Variants in CD36 observed in about 807,000 individuals in gnomAD.
The protein encoded by CD36 is CD36 molecule (CD36 blood group), also known as platelet glycoprotein 4.
In CD36, 119 loss-of-function variants were observed where a neutral mutation model predicts 55.2. The ratio of observed to expected loss-of-function variants is 2.15; its 90% confidence interval spans 1.86 to 2.51. CD36 has a LOEUF of 2.51. Ranked by LOEUF, CD36 falls within the 30% of genes most tolerant of loss-of-function variation. The pLI, the probability that CD36 is intolerant of heterozygous loss-of-function variation, is 0.00. For synonymous variants in CD36, 186 were observed against 193.6 expected (o/e 0.96, Z 0.33); for missense variants, 819 against 555.5 (o/e 1.47, Z -4.77).
intron 1 of CD36, among the ~76,000 whole-genome samples, chr7:80,623,479 G>A (rs1379991669): frequency 7.2e-6 from 1 of 139,736 alleles, no homozygotes; most frequent in East Asian, 2.2e-4. Context: ...CATATTTTTG[G>A]TCTCATTTAG....
intron 1 of CD36, among the ~76,000 whole-genome samples, chr7:80,643,519 A>G (rs1794951505): frequency 6.6e-6 from 1 of 152,126 alleles, no homozygotes. Flanking sequence ...TGCATTTTTT[A>G]TGTGGGCTCA....
Position 80,671,979 on chromosome 7 carries a change from AACCTATT to A in CD36, c.1065_1071del (p.Pro356MetfsTer3), listed in dbSNP as rs754132982. 6.2e-7 allele frequency: 1 copy of A among 1,610,240 alleles called. No homozygotes were observed. Among genetic ancestry groups the A allele is most frequent in the African/African-American group, 1.3e-5 (1 of 74,928 alleles). On this transcript the variant is annotated frameshift_variant, in exon 11 of 15. Transcript: ENST00000447544. LOFTEE classifies it high-confidence loss of function. ...CTGTATGCAAGTCCTGATGTTTCAGAACCTATTGATGGATTAAACCCAAATGAAGAAG... is the reference window on the plus strand; with the variant it reads ...CTGTATGCAAGTCCTGATGTTTCAGAGATGGATTAAACCCAAATGAAGAAG...
intron 8 of CD36, among the ~76,000 whole-genome samples, chr7:80,667,905 C>A (rs947429239): frequency 6.6e-6 from 1 of 151,808 alleles, no homozygotes; most frequent in Non-Finnish European, 1.5e-5. Flanking sequence ...CATGTGCCAC[C>A]ACACCCAGCT....
chr7:80,667,015 A>G (rs953541859), intron 8 of CD36, among the ~76,000 whole-genome samples: 1 of 152,222 alleles, frequency 6.6e-6, no homozygotes, highest in African/African-American at 2.4e-5. Flanking sequence ...TGTGAAAAAT[A>G]TATGTAAAAA....
chr7:80,607,594 T>G (rs1792632048), intron 1 of CD36, among the ~76,000 whole-genome samples: 1 of 152,014 alleles, frequency 6.6e-6, no homozygotes, highest in Non-Finnish European at 1.5e-5. Context: ...CCATTCCCCA[T>G]CCCCCACTTT....
At chr7:80,634,715 A>G (rs976406384), upstream of CD36, among the ~76,000 whole-genome samples, 11 of 152,080 alleles carry the variant, frequency 7.2e-5, no homozygotes, top group Non-Finnish European at 1.5e-4. Flanking sequence ...CTTTTATTTC[A>G]CAAGTGTTAC....
At chr7:80,673,000 T>A (rs1797865832) in intron 12 of CD36, 157 bp downstream of exon 12, 2 of 644,222 alleles carry the variant, frequency 3.1e-6, no homozygotes, top group Non-Finnish European at 5.6e-6. Flanking sequence ...TGCTTATGAC[T>A]AATTTCACAG....
intron 1 of CD36, among the ~76,000 whole-genome samples, chr7:80,616,198 A>G (rs116418685): frequency 0.011 from 1,657 of 152,280 alleles, 31 homozygotes; most frequent in African/African-American, 0.038. Context: ...ACTGGATATC[A>G]TAGCTCAGCC....
chr7:80,669,945 T>G lies in CD36; in HGVS notation c.749-8T>G. ...CATCTAATCATTTGCCACTCGATTT[T>G]TAAACAGATGCAGCCTCATTTCCAC... On this transcript the variant is annotated splice_region_variant and splice_polypyrimidine_tract_variant and intron_variant, in intron 8 of 14. Coordinates refer to ENST00000447544, the MANE Select transcript of CD36 (RefSeq NM_001001548.3). The G allele has an allele frequency of 6.2e-7, 1 of 1,607,174 alleles. No individual in the cohort carries two copies.
At position 80,675,134 on chromosome 7, in the gene CD36, A is replaced by G. The variant is rs1333484314; in HGVS notation, c.*987A>G. On this transcript the variant is annotated intron_variant, in intron 14 of 14. Coordinates refer to ENST00000447544, the MANE Select transcript of CD36 (RefSeq NM_001001548.3). ...ATTTTTGGTTCTAATCACTTCTACC[A>G]CTATTTAGTCACCAAAAAGACAATA... 4.6e-5 allele frequency among the ~76,000 whole-genome samples: 7 copies of G among 152,110 alleles called. No homozygotes were observed. The East Asian group carries it at 5.8e-4, about 13-fold the overall frequency.
intron 8 of CD36, among the ~76,000 whole-genome samples, chr7:80,668,652 T>TA (rs1017271844): frequency 8.5e-5 from 13 of 152,208 alleles, no homozygotes; most frequent in Admixed American, 3.3e-4. Flanking sequence ...ATAATGATCT[T>TA]AAAAGCTTTT....
At chr7:80,644,855 A>C (rs2116367781) in intron 1 of CD36, among the ~76,000 whole-genome samples, 1 of 152,320 alleles carries the variant, frequency 6.6e-6, no homozygotes, top group Non-Finnish European at 1.5e-5. Context: ...TTTATAAACT[A>C]TAAAGCGCAT....
chr7:80,669,886 G>T (rs1797480593), intron 8 of CD36, 67 bp from the exon 9 acceptor site: 3 of 1,039,690 alleles, frequency 2.9e-6, no homozygotes, highest in South Asian at 2.5e-5. Flanking sequence ...CACTGGAGGA[G>T]AGATTTCTAG....
intron 1 of CD36, among the ~76,000 whole-genome samples, chr7:80,607,658 G>T (rs1260628272): frequency 6.6e-6 from 1 of 152,072 alleles, no homozygotes; most frequent in Non-Finnish European, 1.5e-5. Flanking sequence ...ATGTTGAGGA[G>T]ACCCCAATCT....
At chr7:80,609,166 G>A (rs1354802096) in intron 1 of CD36, among the ~76,000 whole-genome samples, 1 of 152,128 alleles carries the variant, frequency 6.6e-6, no homozygotes, top group East Asian at 1.9e-4. Context: ...GTTTGGTATA[G>A]TATGTGTTAC....
chr7:80,655,893 C>G (rs1211616140), intron 3 of CD36, among the ~76,000 whole-genome samples: 1 of 150,316 alleles, frequency 6.7e-6, no homozygotes, highest in Non-Finnish European at 1.5e-5. Context: ...TGTACTCCAG[C>G]CTGGGTGACA....
chr7:80,602,377 T>C (rs1455351951), exon 1 of CD36: 2 of 152,090 alleles, frequency 1.3e-5, no homozygotes, highest in African/African-American at 4.8e-5. Flanking sequence ...CTTCTAGAAG[T>C]TGGTGAGCAG....
chr7:80,654,078 T>A (rs1795827936), intron 3 of CD36, among the ~76,000 whole-genome samples: 1 of 152,176 alleles, frequency 6.6e-6, no homozygotes, highest in Admixed American at 6.6e-5. Context: ...CAACCCTGTG[T>A]TTCACGTTTG....
At chr7:80,674,695 T>G (rs1798084453) in intron 14 of CD36, among the ~76,000 whole-genome samples, 1 of 152,070 alleles carries the variant, frequency 6.6e-6, no homozygotes, top group South Asian at 2.1e-4. Flanking sequence ...CATGCACTCT[T>G]AAAGATGAAT....
Sources: gnomAD v4.1 joint callset for allele counts (sites outside exome capture counted in the v4.1 genomes callset) on GRCh38, gnomAD v4.1.1 for gene constraint, MANE v1.5 for transcripts, NCBI Gene and HGNC (gene_info 2026-07-23, HGNC 2026-07-21) for gene names.